Variants in SHC4 observed in about 807,000 individuals in gnomAD.
The protein encoded by SHC4 is SHC adaptor protein 4, also known as SHC-transforming protein 4.
Under a neutral mutation model 69.4 loss-of-function variants are expected in SHC4, and 41 were observed. That is an observed-to-expected ratio of 0.59 (90% CI 0.46 to 0.77). The LOEUF (loss-of-function observed/expected upper bound fraction) is 0.77, where lower values mean the gene tolerates loss of function less well. Among genes scored for constraint, SHC4 ranks in the 30% least tolerant of loss-of-function variants. The pLI is 0.00. For missense variants in SHC4, 777 were observed against 783.8 expected, an observed-to-expected ratio of 0.99 and a Z score of 0.10; for synonymous variants, 318 against 299.3, an observed-to-expected ratio of 1.06 and a Z score of -0.64.
At chr15:48,878,456 G>C (rs750687807) in intron 4 of SHC4, 10 of 1,613,538 alleles carry the variant, frequency 6.2e-6, no homozygotes, top group African/African-American at 2.7e-5. Flanking sequence ...CGCAGACTTC[G>C]AGAGCGAGGA....
intron 3 of SHC4, among the ~76,000 whole-genome samples, chr15:48,889,739 G>C (rs748636041): frequency 1.3e-5 from 2 of 152,198 alleles, no homozygotes; most frequent in Admixed American, 6.5e-5. Context: ...AGCTACTCGG[G>C]GGGCTGAGGC....
intron 10 of SHC4, 133 bp from the exon 11 acceptor site, chr15:48,835,155 G>T: frequency 8.5e-7 from 1 of 1,178,502 alleles, no homozygotes; most frequent in Non-Finnish European, 1.2e-6. Flanking sequence ...ACTGCTTGGG[G>T]AACAAATGAG....
intron 9 of SHC4, among the ~76,000 whole-genome samples, chr15:48,850,772 G>A (rs901376575): frequency 1.6e-4 from 24 of 152,126 alleles, no homozygotes; most frequent in African/African-American, 2.4e-5. Flanking sequence ...ACATCCTTTC[G>A]TTCCCTTTGC....
In SHC4 at chr15:48,864,713, C is replaced by T. The variant is rs1247155350; in HGVS notation, c.946+3105G>A. 2.6e-5 allele frequency among the ~76,000 whole-genome samples: 4 copies of T among 152,154 alleles called. No individual in the cohort carries two copies. The East Asian group carries it at 7.7e-4, about 29-fold the overall frequency. On this transcript the variant is annotated intron_variant, in intron 6 of 11. Transcript: ENST00000332408. ...CTGCCCGCCTCGGCCTCCCACAGTG[C>T]TGGGATTACAGGCGTGAGCCACCGC...
intron 1 of SHC4, among the ~76,000 whole-genome samples, chr15:48,941,515 T>C (rs953643032): frequency 2.0e-4 from 30 of 152,146 alleles, no homozygotes; most frequent in South Asian, 2.1e-4. Flanking sequence ...TAGAACAGAT[T>C]TGAGCATGTT....
At chr15:48,957,613 T>C (rs1278524878) in intron 1 of SHC4, among the ~76,000 whole-genome samples, 2 of 152,154 alleles carry the variant, frequency 1.3e-5, no homozygotes, top group Non-Finnish European at 2.9e-5. Context: ...ACAAAGCTGA[T>C]GAGCTTGATA....
At chr15:48,921,331 G>A (rs972478011) in intron 2 of SHC4, among the ~76,000 whole-genome samples, 1 of 140,350 alleles carries the variant, frequency 7.1e-6, no homozygotes, top group South Asian at 2.3e-4. Flanking sequence ...GGAAGTTATC[G>A]TTTTTTTTTT....
intron 2 of SHC4, among the ~76,000 whole-genome samples, chr15:48,912,011 G>A (rs1274956203): frequency 1.4e-4 from 22 of 152,180 alleles, no homozygotes; most frequent in Non-Finnish European, 1.5e-5. Flanking sequence ...TGGTGCTTCT[G>A]TCTCACAGCT....
intron 2 of SHC4, among the ~76,000 whole-genome samples, chr15:48,902,677 G>A (rs754010989): frequency 1.3e-5 from 2 of 152,026 alleles, no homozygotes; most frequent in Non-Finnish European, 2.9e-5. Context: ...CGACCTGACT[G>A]GTCAATATGG....
rs1033724034 is a variant in SHC4, at chr15:48,886,261, T to A, written c.721-1894A>T. ...GACAGAGCAAGACTGTCTCAAAATA[T>A]ATATATATATATTATTATGAAATAC... On this transcript the variant is annotated intron_variant, in intron 3 of 11. Coordinates refer to ENST00000332408, the MANE Select transcript of SHC4 (RefSeq NM_203349.4). 2.0e-5 allele frequency among the ~76,000 whole-genome samples: 3 copies of A among 151,924 alleles called. No individual in the cohort carries two copies. The East Asian group carries it at 5.8e-4, about 29-fold the overall frequency.
At chr15:48,840,830 A>G (rs1898976242) in intron 10 of SHC4, among the ~76,000 whole-genome samples, 1 of 152,188 alleles carries the variant, frequency 6.6e-6, no homozygotes, top group South Asian at 2.1e-4. Context: ...GCTATGGTAC[A>G]TTAAATCCTA....
intron 4 of SHC4, chr15:48,877,531 T>G: frequency 1.0e-6 from 1 of 984,574 alleles, no homozygotes; most frequent in Non-Finnish European, 1.2e-6. Flanking sequence ...TAAAGATACA[T>G]GTAAATGCAA....
intron 1 of SHC4, chr15:48,946,660 TC>T: frequency 1.1e-6 from 1 of 901,680 alleles, no homozygotes; most frequent in South Asian, 5.1e-5. Flanking sequence ...TGTTCCCCAT[TC>T]CTTGCTTATC....
chr15:48,950,634 T>G, intron 1 of SHC4, among the ~76,000 whole-genome samples: 1 of 151,026 alleles, frequency 6.6e-6, no homozygotes, highest in Admixed American at 6.6e-5. Flanking sequence ...GAAATGGGAG[T>G]GTGTGAGAAA....
intron 1 of SHC4, among the ~76,000 whole-genome samples, chr15:48,933,007 T>C (rs1224214803): frequency 6.6e-6 from 1 of 152,152 alleles, no homozygotes; most frequent in Non-Finnish European, 1.5e-5. Context: ...TCAAATTGAA[T>C]CTCATCTAAC....
chr15:48,913,469 A>T lies in SHC4; in HGVS notation c.656+11410T>A, dbSNP rs1401054646. Among the ~76,000 whole-genome samples the T allele has an allele frequency of 2.6e-5, 4 of 152,002 alleles. No homozygotes were observed. In the South Asian group the frequency reaches 8.3e-4, roughly 32 times the overall value. ...TGCTCTCCCCAATAGCCCCCAGTCC[A>T]TTTCTAGATGGAGAGCGACAGGGGC... On this transcript the variant is annotated intron_variant, in intron 2 of 11. Transcript: ENST00000332408.
chr15:48,888,787 C>T (rs991825955), intron 3 of SHC4, among the ~76,000 whole-genome samples: 4 of 147,174 alleles, frequency 2.7e-5, no homozygotes, highest in Non-Finnish European at 5.9e-5. Context: ...CCCAGATACT[C>T]GGGAGGCTGA....
intron 4 of SHC4, among the ~76,000 whole-genome samples, chr15:48,881,514 G>A (rs1014497450): frequency 2.6e-5 from 4 of 152,006 alleles, no homozygotes; most frequent in African/African-American, 9.7e-5. Flanking sequence ...GTTTTTTCTT[G>A]TGCTTGCACA....
At chr15:48,826,171 T>G in intron 11 of SHC4, 45 bp from the exon 12 acceptor site, 1 of 1,547,584 alleles carries the variant, frequency 6.5e-7, no homozygotes, top group East Asian at 2.3e-5. Context: ...TTATAGTAGT[T>G]CTCCTGAAAG....
Sources: gnomAD v4.1 joint callset for allele counts (sites outside exome capture counted in the v4.1 genomes callset) on GRCh38, gnomAD v4.1.1 for gene constraint, MANE v1.5 for transcripts, NCBI Gene and HGNC (gene_info 2026-07-23, HGNC 2026-07-21) for gene names.